Variants in ARHGEF5 observed in about 807,000 individuals in gnomAD.
ARHGEF5 encodes the protein Rho guanine nucleotide exchange factor (GEF) 5.
In ARHGEF5, 11 loss-of-function variants were observed where a neutral mutation model predicts 104.0. The ratio of observed to expected loss-of-function variants is 0.11; its 90% CI spans 0.07 to 0.18. The LOEUF (loss-of-function observed/expected upper bound fraction) is 0.18. ARHGEF5 is among the 10% of genes least tolerant of loss of function. The probability of loss-of-function intolerance (pLI) is 1.00; values close to 1 mark genes in which losing one functional copy is unlikely to be tolerated. For synonymous variants in ARHGEF5, 60 were observed against 512.2 expected, an observed-to-expected ratio of 0.12 and a Z score of 11.92; for missense variants, 165 against 1,335.4, an observed-to-expected ratio of 0.12 and a Z score of 13.66.
Position 144,378,870 on chromosome 7 carries a change from A to AGCGGGAGCAT in ARHGEF5, c.4636+8_4636+17dup. 1.2e-6 allele frequency: 2 copies of AGCGGGAGCAT among 1,613,504 alleles called. No individual in the cohort carries two copies. The highest frequency in any genetic ancestry group is 1.1e-5 in the South Asian group (1 of 91,058). On this transcript the variant is annotated splice_donor_region_variant and intron_variant, in intron 14 of 14. Transcript: ENST00000056217. ...GTGACTCAGCAGAGCAGTGACGGTA[A>AGCGGGAGCAT]GCGGGAGCATGCGTGAGCAGCAGGC...
chr7:144,378,026 T>C (rs1045505362), intron 13 of ARHGEF5, among the ~76,000 whole-genome samples: 1 of 152,108 alleles, frequency 6.6e-6, no homozygotes, highest in African/African-American at 2.4e-5. Flanking sequence ...ATCAAGGCAG[T>C]GTAGTAACAA....
intron 13 of ARHGEF5, among the ~76,000 whole-genome samples, chr7:144,377,982 T>C (rs2053773520): frequency 6.6e-6 from 1 of 152,024 alleles, no homozygotes; most frequent in African/African-American, 2.4e-5. Flanking sequence ...AGAAAGCAAA[T>C]AGTAATGCAG....
At chr7:144,359,603 CA>C (rs1207739955) in intron 1 of ARHGEF5, among the ~76,000 whole-genome samples, 1 of 119,748 alleles carries the variant, frequency 8.4e-6, no homozygotes, top group Non-Finnish European at 1.8e-5. Flanking sequence ...GGATTCCAGG[CA>C]GAGGAGCAGT....
In ARHGEF5 at chr7:144,379,878, C is replaced by T. The variant is rs903430105; in HGVS notation, c.4637-21C>T. Reference sequence around the variant, plus strand: ...GTGAGCCTTTCCCAGGTAATTCTTCCCACTCACCCTGTGCCCACAGGCTGG... The same window carrying T: ...GTGAGCCTTTCCCAGGTAATTCTTCTCACTCACCCTGTGCCCACAGGCTGG... On this transcript the variant is annotated intron_variant, in intron 14 of 14. Coordinates refer to ENST00000056217, the MANE Select transcript of ARHGEF5 (RefSeq NM_005435.4). 5 of 1,613,652 alleles carry T rather than the reference C, an allele frequency of 3.1e-6. No individual in the cohort carries two copies. The African/African-American group carries it at 6.7e-5, about 22-fold the overall frequency.
At chr7:144,360,643 G>T (rs1415381153) in intron 1 of ARHGEF5, among the ~76,000 whole-genome samples, 2 of 114,872 alleles carry the variant, frequency 1.7e-5, no homozygotes, top group South Asian at 5.9e-4. Context: ...GAAAAGGTGG[G>T]CATATTCCAT....
rs376362386 is a variant in ARHGEF5 at position 144,379,879 on chromosome 7, C to T, written c.4637-20C>T. On this transcript the variant is annotated intron_variant, in intron 14 of 14. Coordinates refer to ENST00000056217, the MANE Select transcript of ARHGEF5 (RefSeq NM_005435.4). ...TGAGCCTTTCCCAGGTAATTCTTCC[C>T]ACTCACCCTGTGCCCACAGGCTGGC... 1.0e-4 allele frequency: 169 copies of T among 1,613,828 alleles called. No homozygotes were observed. The highest frequency in any genetic ancestry group is 1.4e-4 in the Non-Finnish European group (163 of 1,179,908).
chr7:144,377,275 A>T (rs2053767772), intron 13 of ARHGEF5, 85 bp downstream of exon 13: 1 of 1,548,404 alleles, frequency 6.5e-7, no homozygotes, highest in Non-Finnish European at 8.7e-7. Flanking sequence ...CTGGGTGGGA[A>T]CTCTAGGCTT....
At chr7:144,372,994 T>C (rs1277801970) in intron 9 of ARHGEF5, among the ~76,000 whole-genome samples, 1 of 136,870 alleles carries the variant, frequency 7.3e-6, no homozygotes, top group Non-Finnish European at 1.6e-5. Flanking sequence ...CCATTCAGTC[T>C]CACTTTTACT....
chr7:144,380,260 C>G lies in ARHGEF5; in HGVS notation c.*204C>G, dbSNP rs533271954. 1.4e-5 allele frequency: 8 copies of G among 589,928 alleles called. No individual in the cohort carries two copies. The highest frequency in any genetic ancestry group is 1.2e-4 in the South Asian group (5 of 41,316). The allele number at this position is 589,928 out of a possible 1,614,324, so 36.5% of individuals were successfully genotyped here. On this transcript the variant is annotated 3_prime_UTR_variant, in exon 15 of 15. Transcript: ENST00000056217. ...GTGGGGGGGATTTCGAGGGACTTTG[C>G]ACTGGACTCTGGGAACCTTTCATCA...
chr7:144,364,774 CAG>C lies in ARHGEF5; in HGVS notation c.2108_2109del (p.Glu703ValfsTer54). On this transcript the variant is annotated frameshift_variant, in exon 2 of 15. Coordinates refer to ENST00000056217, the MANE Select transcript of ARHGEF5 (RefSeq NM_005435.4). LOFTEE classifies it high-confidence loss of function. ...TCCCCACATAATCCAGCCTTTGCCACAGAGTCTCCCGCCTACGGTTCTTCCCC... is the reference window on the plus strand; with the variant it reads ...TCCCCACATAATCCAGCCTTTGCCACAGTCTCCCGCCTACGGTTCTTCCCC... 1 of 379,264 alleles carries C rather than the reference CAG, an allele frequency of 2.6e-6. No individual in the cohort carries two copies. The highest frequency in any genetic ancestry group is 2.3e-5 in the South Asian group (1 of 42,834). 23.5% of individuals were successfully genotyped at this position (379,264 alleles called of 1,614,324 possible).
At chr7:144,359,464 AG>A (rs1289181382) in intron 1 of ARHGEF5, among the ~76,000 whole-genome samples, 1 of 143,434 alleles carries the variant, frequency 7.0e-6, no homozygotes, top group African/African-American at 2.5e-5. Context: ...CTTCAGGCAG[AG>A]GGGGTTATAT....
chr7:144,361,003 G>A lies in ARHGEF5; in HGVS notation c.-12-1655G>A, dbSNP rs550608471. ...ACAACACTTCGGGAGGCCGAGGCGG[G>A]TGGATAACGAGGTCAGGAGATTGAG... On this transcript the variant is annotated intron_variant, in intron 1 of 14. Transcript: ENST00000056217. Among the ~76,000 whole-genome samples the A allele has an allele frequency of 3.4e-5, 5 of 145,636 alleles. No individual in the cohort carries two copies. In the South Asian group the frequency reaches 6.5e-4, roughly 19 times the overall value.
In ARHGEF5 at chr7:144,363,636, G is replaced by A. The variant is rs370056802; in HGVS notation, c.967G>A (p.Gly323Arg). The A allele has an allele frequency of 1.6e-4, 241 of 1,505,626 alleles. 4 individuals carry two copies. Among genetic ancestry groups the A allele is most frequent in the Non-Finnish European group, 2.1e-4 (233 of 1,091,860 alleles). 93.3% of individuals were successfully genotyped at this position (1,505,626 alleles called of 1,614,324 possible). Reference protein sequence around the residue: ...KAQGQGGPEQGEERKRELQVP... With the variant: ...KAQGQGGPEQREERKRELQVP... Reference sequence around the variant, plus strand: ...TCAGGGTCAGGGAGGTCCAGAACAGGGAGAAGAGAGGAAGAGGGAGCTGCA... The same window carrying A: ...TCAGGGTCAGGGAGGTCCAGAACAGAGAGAAGAGAGGAAGAGGGAGCTGCA... Residue 323 changes from glycine to arginine, a missense_variant, in exon 2 of 15, where the codon GGA becomes AGA. Coordinates refer to ENST00000056217, the MANE Select transcript of ARHGEF5 (RefSeq NM_005435.4).
chr7:144,370,662 C>T (rs2053716222), intron 5 of ARHGEF5, among the ~76,000 whole-genome samples: 1 of 148,840 alleles, frequency 6.7e-6, no homozygotes, highest in Non-Finnish European at 1.5e-5. Flanking sequence ...GACAGGGTCT[C>T]TCTACGTCGC....
intron 5 of ARHGEF5, among the ~76,000 whole-genome samples, chr7:144,370,652 G>C (rs2053716036): frequency 6.7e-6 from 1 of 148,994 alleles, no homozygotes; most frequent in Admixed American, 6.7e-5. Flanking sequence ...TTTTTGTAGA[G>C]ACAGGGTCTC....
intron 13 of ARHGEF5, 129 bp downstream of exon 13, chr7:144,377,319 G>A: frequency 3.3e-6 from 5 of 1,511,130 alleles, no homozygotes; most frequent in Non-Finnish European, 4.5e-6. Flanking sequence ...TGTCAGGGTG[G>A]AAGATTGGCC....
At chr7:144,377,792 GAACA>G (rs1253098242) in intron 13 of ARHGEF5, among the ~76,000 whole-genome samples, 4 of 152,110 alleles carry the variant, frequency 2.6e-5, no homozygotes, top group Non-Finnish European at 4.4e-5. Context: ...TGACTGAAAA[GAACA>G]AACAACTACA....
rs1179208370 is a variant in ARHGEF5, at chr7:144,360,145, G to A, written c.-12-2513G>A. On this transcript the variant is annotated intron_variant, in intron 1 of 14. Coordinates refer to ENST00000056217, the MANE Select transcript of ARHGEF5 (RefSeq NM_005435.4). ...AGAGTCTCACTCTGTCACCTAGGCT[G>A]GAGAGCAGTGATGTGATCTTGGCTC... is the stretch of plus-strand genomic sequence containing the variant. Among the ~76,000 whole-genome samples the A allele has an allele frequency of 1.7e-5, 2 of 118,232 alleles. 1 individual carries two copies. Among genetic ancestry groups the A allele is most frequent in the East Asian group, 6.0e-4 (2 of 3,338 alleles). The allele number at this position is 118,232 out of a possible 152,430, so 77.6% of individuals were successfully genotyped here.
In ARHGEF5 at chr7:144,378,839, G is replaced by A. The variant is rs1236143055; in HGVS notation, c.4609G>A (p.Val1537Met). ...ATTGGCACTGGAGAAAGCCGACGTG[G>A]TGATGGTGACTCAGCAGAGCAGTGA... ...DELALEKADV[V>M]MVTQQSSDGW... Residue 1537 changes from valine (V) to methionine (M), a missense_variant, in exon 14 of 15, where the codon GTG becomes ATG. Val to Met is a conservative substitution (Grantham distance 21, BLOSUM62 1). Transcript: ENST00000056217. 1.2e-6 allele frequency: 2 copies of A among 1,614,018 alleles called. No homozygotes were observed. The highest frequency in any genetic ancestry group is 2.2e-5 in the East Asian group (1 of 44,890).
Sources: gnomAD v4.1 joint callset for allele counts (sites outside exome capture counted in the v4.1 genomes callset) on GRCh38, gnomAD v4.1.1 for gene constraint, MANE v1.5 for transcripts, NCBI Gene and HGNC (gene_info 2026-07-23, HGNC 2026-07-21) for gene names.